The following CSMD1 variants were observed in gnomAD, a reference collection of about 807,000 sequenced individuals.
The protein encoded by CSMD1 is CUB and sushi domain-containing protein 1.
CSMD1 carries 213 observed loss-of-function variants against 417.5 expected under a neutral mutation model. That is an observed-to-expected ratio of 0.51 (90% confidence interval 0.46 to 0.57). CSMD1 has a LOEUF of 0.57. CSMD1 is among the 20% of genes least tolerant of loss of function. CSMD1 has a pLI of 0.00. For synonymous variants in CSMD1, 2,862 were observed against 1,736.8 expected, an observed-to-expected ratio of 1.65 and a Z score of -16.11; for missense variants, 6,923 against 4,529.7, an observed-to-expected ratio of 1.53 and a Z score of -15.17.
intron 49 of CSMD1, among the ~76,000 whole-genome samples, chr8:3,069,657 G>C (rs1289681910): frequency 1.3e-5 from 2 of 152,174 alleles, no homozygotes; most frequent in South Asian, 2.1e-4. Flanking sequence ...AGCAGCTGGA[G>C]TTGAGTGCCT....
intron 5 of CSMD1, among the ~76,000 whole-genome samples, chr8:3,877,756 A>G (rs1186178048): frequency 6.6e-6 from 1 of 152,224 alleles, no homozygotes; most frequent in African/African-American, 2.4e-5. Context: ...ATTCACTTTG[A>G]TATGTAAATC....
chr8:3,349,621 C>T (rs553207723), intron 21 of CSMD1, among the ~76,000 whole-genome samples: 66 of 151,026 alleles, frequency 4.4e-4, no homozygotes, highest in Non-Finnish European at 6.0e-4. Context: ...TAAGAAATTA[C>T]AGTAATTATA....
chr8:4,724,631 A>T (rs1205187991), intron 1 of CSMD1, among the ~76,000 whole-genome samples: 1 of 151,980 alleles, frequency 6.6e-6, no homozygotes, highest in Non-Finnish European at 1.5e-5. Context: ...TATTTGGAAA[A>T]AATAAATGTA....
rs918749088 is a variant in CSMD1, at chr8:3,629,088, C to T, written c.1010-12291G>A. Among the ~76,000 whole-genome samples, 73 of 151,998 alleles carry T rather than the reference C, an allele frequency of 4.8e-4. 2 individuals are homozygous for T. The highest frequency in any genetic ancestry group is 1.5e-5 in the Non-Finnish European group (1 of 68,020). On this transcript the variant is annotated intron_variant, in intron 7 of 69. Coordinates refer to ENST00000635120, the MANE Select transcript of CSMD1 (RefSeq NM_033225.6). ...TATCGACACAAGAGGAGTGAGAAGT[C>T]GGGGGAAGAAGGGGTGTGCAGAGGA...
chr8:4,629,492 A>G (rs1402804400), intron 2 of CSMD1, among the ~76,000 whole-genome samples: 1 of 152,170 alleles, frequency 6.6e-6, no homozygotes, highest in Non-Finnish European at 1.5e-5. Flanking sequence ...TTGTAGCTCT[A>G]GAAGTGCATC....
chr8:3,503,276 T>A (rs574207287), intron 10 of CSMD1, among the ~76,000 whole-genome samples: 2 of 152,344 alleles, frequency 1.3e-5, no homozygotes, highest in South Asian at 4.1e-4. Flanking sequence ...TAGCCCCACA[T>A]ATAAACACTA....
chr8:4,366,997 T>C (rs1434935047), intron 3 of CSMD1, among the ~76,000 whole-genome samples: 2 of 152,208 alleles, frequency 1.3e-5, no homozygotes, highest in African/African-American at 4.8e-5. Flanking sequence ...CTGGAGGTTG[T>C]CTGCTTACTC....
chr8:3,261,029 A>G (rs1309876372), intron 26 of CSMD1, among the ~76,000 whole-genome samples: 2 of 152,186 alleles, frequency 1.3e-5, no homozygotes, highest in Non-Finnish European at 2.9e-5. Context: ...AAAACCTTTC[A>G]CTGTAGAGGA....
intron 4 of CSMD1, among the ~76,000 whole-genome samples, chr8:4,001,903 A>C (rs569723158): frequency 1.8e-4 from 27 of 152,312 alleles, no homozygotes; most frequent in South Asian, 1.2e-3. Flanking sequence ...GAGGAAAAAA[A>C]AAATTCCCAA....
chr8:3,892,740 C>A (rs4875795), intron 5 of CSMD1, among the ~76,000 whole-genome samples: 2 of 136,052 alleles, frequency 1.5e-5, no homozygotes, highest in South Asian at 2.4e-4. Flanking sequence ...TTTTTTGCCA[C>A]TTCTGTGCAT....
At chr8:3,499,271 G>A (rs550915481) in intron 10 of CSMD1, among the ~76,000 whole-genome samples, 50 of 152,316 alleles carry the variant, frequency 3.3e-4, no homozygotes, top group African/African-American at 1.2e-3. Flanking sequence ...ATGTCTGCAT[G>A]TTTGTAGCTG....
intron 3 of CSMD1, among the ~76,000 whole-genome samples, chr8:4,310,652 G>C (rs1025046245): frequency 4.6e-5 from 7 of 152,080 alleles, no homozygotes; most frequent in Admixed American, 6.6e-5. Context: ...ATTTGACCGA[G>C]ACTATAAAAT....
At chr8:2,965,555 T>C (rs994343463) in intron 59 of CSMD1, among the ~76,000 whole-genome samples, 2 of 152,196 alleles carry the variant, frequency 1.3e-5, no homozygotes, top group East Asian at 3.9e-4. Context: ...TGGTTTGTGA[T>C]CCTAAGCCTT....
chr8:4,845,982 T>C (rs1801117797), intron 1 of CSMD1, among the ~76,000 whole-genome samples: 1 of 152,230 alleles, frequency 6.6e-6, no homozygotes, highest in East Asian at 1.9e-4. Context: ...ATAAATTTGC[T>C]GAGTCAGAAC....
At chr8:3,998,238 TG>T (rs11302170) in intron 4 of CSMD1, 128 bp from the exon 5 acceptor site, 269,566 of 704,582 alleles carry the variant, frequency 0.38, 53,565 homozygotes, top group Middle Eastern at 0.45. Flanking sequence ...ACACTCAATC[TG>T]AAAAAGAATC....
At chr8:3,816,766 G>C (rs1034870816) in intron 5 of CSMD1, among the ~76,000 whole-genome samples, 1 of 152,194 alleles carries the variant, frequency 6.6e-6, no homozygotes, top group East Asian at 1.9e-4. Flanking sequence ...CCTAATGTGT[G>C]TCAATAATTT....
intron 1 of CSMD1, among the ~76,000 whole-genome samples, chr8:4,892,189 C>G (rs1374594569): frequency 6.6e-6 from 1 of 152,062 alleles, no homozygotes; most frequent in African/African-American, 2.4e-5. Flanking sequence ...ATTGAAACAA[C>G]TTTTCAAGAT....
rs184332246 is a variant in CSMD1, at chr8:4,708,976, C to G, written c.86-71418G>C. Among the ~76,000 whole-genome samples the G allele has an allele frequency of 9.2e-5, 14 of 152,248 alleles. No homozygotes were observed. In the South Asian group the frequency reaches 2.3e-3, roughly 25 times the overall value. The stretch of plus-strand genomic sequence containing the variant: ...CAGAAAAGAGCAATCCTGCTGATAC[C>G]TCGATCTTGGGCTTCCAACCTCCTG... On this transcript the variant is annotated intron_variant, in intron 1 of 69. Transcript: ENST00000635120.
At chr8:3,769,178 T>A (rs1798445199) in intron 5 of CSMD1, among the ~76,000 whole-genome samples, 1 of 152,194 alleles carries the variant, frequency 6.6e-6, no homozygotes, top group South Asian at 2.1e-4. Flanking sequence ...TTGCCATGAT[T>A]TTACAAGCTT....
Sources: allele counts gnomAD v4.1 joint callset (sites outside exome capture counted in the v4.1 genomes callset), GRCh38; gene constraint gnomAD v4.1.1; transcripts MANE v1.5; gene names NCBI Gene and HGNC (gene_info 2026-07-23, HGNC 2026-07-21).